COL24A1: variants seen among roughly 807,000 people sequenced by gnomAD.
COL24A1 encodes the protein collagen type XXIV alpha 1 chain, also known as collagen alpha-1(XXIV) chain.
COL24A1 carries 224 observed loss-of-function variants against 253.9 expected under a neutral mutation model. The ratio of observed to expected loss-of-function variants is 0.88; its 90% CI spans 0.79 to 0.99. The LOEUF (loss-of-function observed/expected upper bound fraction) is 0.99. Ranked by LOEUF, COL24A1 falls within the 50% of genes least tolerant of loss-of-function variation. COL24A1 has a pLI of 0.00. For synonymous variants in COL24A1, 685 were observed against 673.7 expected, an observed-to-expected ratio of 1.02 and a Z score of -0.26; for missense variants, 2,131 against 2,068.5, an observed-to-expected ratio of 1.03 and a Z score of -0.59.
intron 24 of COL24A1, among the ~76,000 whole-genome samples, chr1:85,953,673 A>C (rs1330206197): frequency 6.6e-6 from 1 of 152,204 alleles, no homozygotes. Flanking sequence ...TAAAGCACAG[A>C]AACATAAGTA....
chr1:85,997,751 A>C (rs12031129), intron 19 of COL24A1, among the ~76,000 whole-genome samples: 58,455 of 150,308 alleles, frequency 0.39, 11,843 homozygotes, highest in East Asian at 0.58. Flanking sequence ...ACTGCACTCC[A>C]GCCTGGCTAC....
At chr1:85,951,542 A>C (rs1689932621) in intron 24 of COL24A1, among the ~76,000 whole-genome samples, 1 of 152,170 alleles carries the variant, frequency 6.6e-6, no homozygotes, top group Non-Finnish European at 1.5e-5. Flanking sequence ...AGTAAGTTGG[A>C]AAGTGTAGGA....
At chr1:85,746,171 G>A (rs1303043511) in intron 55 of COL24A1, among the ~76,000 whole-genome samples, 2 of 152,066 alleles carry the variant, frequency 1.3e-5, no homozygotes, top group East Asian at 3.9e-4. Context: ...AGAAGGTTCT[G>A]GGAAATGGCA....
At chr1:85,958,327 T>A (rs1337759395) in intron 24 of COL24A1, among the ~76,000 whole-genome samples, 4 of 152,132 alleles carry the variant, frequency 2.6e-5, no homozygotes, top group African/African-American at 9.6e-5. Context: ...CCTTCTCTCA[T>A]CTATTGATCT....
intron 47 of COL24A1, among the ~76,000 whole-genome samples, chr1:85,813,165 C>T (rs1672715112): frequency 6.6e-6 from 1 of 151,718 alleles, no homozygotes; most frequent in South Asian, 2.1e-4. Context: ...GGTCTAATAT[C>T]ATTTCCATAA....
intron 1 of COL24A1, among the ~76,000 whole-genome samples, chr1:86,148,012 A>G (rs1440912113): frequency 1.3e-5 from 2 of 152,170 alleles, no homozygotes; most frequent in Non-Finnish European, 2.9e-5. Context: ...AAGAATATGC[A>G]TTTATAACAA....
At chr1:86,097,438 TCTCCTCCTCCCCCCTCCTCTTCCTCC>T (rs1703990643) in intron 5 of COL24A1, among the ~76,000 whole-genome samples, 3 of 140,720 alleles carry the variant, frequency 2.1e-5, no homozygotes, top group African/African-American at 7.8e-5. Context: ...TCCTTCTTCT[TCTCCTCCTCCCCCCTCCTCTTCCTCC>T]CTCCTCCTCC....
intron 37 of COL24A1, 127 bp downstream of exon 37, chr1:85,868,390 CCA>C: frequency 1.8e-6 from 1 of 555,040 alleles, no homozygotes; most frequent in East Asian, 3.0e-5. Context: ...TTCTCTCTAG[CCA>C]CAGTTTCACA....
At chr1:85,863,622 G>A (rs534447902) in intron 37 of COL24A1, among the ~76,000 whole-genome samples, 1 of 152,228 alleles carries the variant, frequency 6.6e-6, no homozygotes, top group East Asian at 1.9e-4. Flanking sequence ...GCAACCTATA[G>A]AATGGGAGAA....
intron 8 of COL24A1, 33 bp downstream of exon 8, chr1:86,063,682 A>T: frequency 1.4e-6 from 2 of 1,457,174 alleles, no homozygotes; most frequent in Non-Finnish European, 1.8e-6. Flanking sequence ...TCTTTTTCAC[A>T]CATGATACAA....
At position 85,841,294 on chromosome 1, in the gene COL24A1, G is replaced by A. The variant is rs748555589; in HGVS notation, c.3571-16C>T. 9.6e-6 allele frequency: 15 copies of A among 1,570,034 alleles called. No individual in the cohort carries two copies. The highest frequency in any genetic ancestry group is 1.4e-5 in the African/African-American group (1 of 72,968). On this transcript the variant is annotated splice_polypyrimidine_tract_variant and intron_variant, in intron 41 of 59. Coordinates refer to ENST00000370571, the MANE Select transcript of COL24A1 (RefSeq NM_152890.7). ...CTGGGTAGCCCTAAAATGAAATAAT[G>A]ATTTATAAACAAAACTCAATAAATA...
intron 24 of COL24A1, among the ~76,000 whole-genome samples, chr1:85,942,284 T>C (rs1688824312): frequency 2.0e-5 from 3 of 152,204 alleles, no homozygotes; most frequent in Admixed American, 2.0e-4. Context: ...CTAGAAAGTT[T>C]TCCTGAGTGG....
intron 45 of COL24A1, among the ~76,000 whole-genome samples, chr1:85,819,167 G>A (rs1413644132): frequency 6.6e-6 from 1 of 152,128 alleles, no homozygotes; most frequent in Non-Finnish European, 1.5e-5. Context: ...TTCTAAAGAT[G>A]AGGAAACCAG....
rs75886260 is a variant in COL24A1, at chr1:86,104,644, G to A, written c.1599+7923C>T. Among the ~76,000 whole-genome samples, 10 of 152,296 alleles carry A rather than the reference G, an allele frequency of 6.6e-5. No individual in the cohort carries two copies. In the East Asian group the frequency reaches 1.9e-3, roughly 29 times the overall value. ...CCTCATTTCTGGCAGATTTTAAGTG[G>A]CCAAGGCTCAACTCACAACTCCTGG... On this transcript the variant is annotated intron_variant, in intron 5 of 59. Coordinates refer to ENST00000370571, the MANE Select transcript of COL24A1 (RefSeq NM_152890.7).
intron 5 of COL24A1, among the ~76,000 whole-genome samples, chr1:86,094,560 A>C (rs942440944): frequency 2.0e-5 from 3 of 152,048 alleles, no homozygotes; most frequent in African/African-American, 7.2e-5. Context: ...TAATCTGTAC[A>C]AGAAACCCCT....
At chr1:86,039,452 G>A (rs1699290040) in intron 12 of COL24A1, among the ~76,000 whole-genome samples, 1 of 152,058 alleles carries the variant, frequency 6.6e-6, no homozygotes, top group African/African-American at 2.4e-5. Context: ...AGGAAAATAA[G>A]AGGACCAAGA....
Position 85,889,625 on chromosome 1 carries a change from A to T in COL24A1, c.2923-12T>A, listed in dbSNP as rs1344534590. 10 of 1,611,786 alleles carry T rather than the reference A, an allele frequency of 6.2e-6. No homozygotes were observed. Among genetic ancestry groups the T allele is most frequent in the East Asian group, 2.2e-5 (1 of 44,806 alleles). On this transcript the variant is annotated splice_polypyrimidine_tract_variant and intron_variant, in intron 31 of 59. Transcript: ENST00000370571. ...AATCCCTGTAAACCCTGGACAAATA[A>T]AGGCAATACTTGTAGGAAAAGTGGT... is the stretch of plus-strand genomic sequence containing the variant.
chr1:85,839,272 C>T (rs1406955046), intron 42 of COL24A1, among the ~76,000 whole-genome samples: 1 of 151,820 alleles, frequency 6.6e-6, no homozygotes, highest in Non-Finnish European at 1.5e-5. Context: ...ATAAATGATG[C>T]CCAAATAACT....
At chr1:85,745,410 G>A (rs745560603) in intron 56 of COL24A1, 31 bp downstream of exon 56, 2 of 1,527,564 alleles carry the variant, frequency 1.3e-6, no homozygotes, top group Non-Finnish European at 1.8e-6. Flanking sequence ...TTGAGAGACA[G>A]TGCCAATATA....
Sources: gnomAD v4.1 joint callset for allele counts (sites outside exome capture counted in the v4.1 genomes callset) on GRCh38, gnomAD v4.1.1 for gene constraint, MANE v1.5 for transcripts, NCBI Gene and HGNC (gene_info 2026-07-23, HGNC 2026-07-21) for gene names.